The following HIBADH variants were observed in gnomAD, a reference collection of about 807,000 sequenced individuals.
HIBADH encodes the protein 3-hydroxyisobutyrate dehydrogenase, mitochondrial.
HIBADH carries 25 observed loss-of-function variants against 36.1 expected under a neutral mutation model. The ratio of observed to expected loss-of-function variants is 0.69; its 90% CI spans 0.50 to 0.97. The LOEUF (loss-of-function observed/expected upper bound fraction) is 0.97. Among genes scored for constraint, HIBADH ranks in the 50% least tolerant of loss-of-function variants. The pLI is 0.00. For missense variants in HIBADH, 421 were observed against 418.0 expected (o/e 1.01, Z -0.06); for synonymous variants, 160 against 149.5 (o/e 1.07, Z -0.51).
chr7:27,540,843 G>C (rs1442417204), intron 5 of HIBADH, among the ~76,000 whole-genome samples: 2 of 152,166 alleles, frequency 1.3e-5, no homozygotes, highest in Non-Finnish European at 2.9e-5. Flanking sequence ...TTAAAAGTCA[G>C]TCCCTTACTG....
At chr7:27,550,866 C>T (rs945794805) in intron 4 of HIBADH, among the ~76,000 whole-genome samples, 3 of 152,250 alleles carry the variant, frequency 2.0e-5, no homozygotes, top group Non-Finnish European at 4.4e-5. Flanking sequence ...ACCAAGAATA[C>T]TCATTAAGAC....
rs1262168676 is a variant in HIBADH at position 27,615,047 on chromosome 7, G to T, written c.484+14324C>A. Reference sequence around the variant, plus strand: ...CCTCTAATCTTAACAGAAATGTTAAGATTATAAAATAGCCTCTGAGGACTA... The same window carrying T: ...CCTCTAATCTTAACAGAAATGTTAATATTATAAAATAGCCTCTGAGGACTA... On this transcript the variant is annotated intron_variant, in intron 4 of 7. Coordinates refer to ENST00000265395, the MANE Select transcript of HIBADH (RefSeq NM_152740.4). 2.6e-5 allele frequency among the ~76,000 whole-genome samples: 4 copies of T among 152,258 alleles called. No homozygotes were observed. The East Asian group carries it at 7.7e-4, about 29-fold the overall frequency.
intron 4 of HIBADH, among the ~76,000 whole-genome samples, chr7:27,611,887 C>T (rs572466213): frequency 6.6e-6 from 1 of 152,174 alleles, no homozygotes; most frequent in Non-Finnish European, 1.5e-5. Context: ...TTCTCTAAAC[C>T]TTTTCATTCA....
chr7:27,651,211 C>T (rs573436091), intron 1 of HIBADH, among the ~76,000 whole-genome samples: 155 of 152,226 alleles, frequency 1.0e-3, no homozygotes, highest in Middle Eastern at 3.4e-3. Flanking sequence ...TATTTGAAGC[C>T]CTAATGCTTA....
At chr7:27,573,054 GAGAA>G (rs1414185246) in intron 4 of HIBADH, among the ~76,000 whole-genome samples, 1 of 152,158 alleles carries the variant, frequency 6.6e-6, no homozygotes, top group Non-Finnish European at 1.5e-5. Flanking sequence ...ACTAGGGACA[GAGAA>G]AGAAATTCTG....
intron 1 of HIBADH, among the ~76,000 whole-genome samples, chr7:27,656,564 T>G (rs528852551): frequency 6.6e-6 from 1 of 152,148 alleles, no homozygotes. Flanking sequence ...GGATACAGTA[T>G]AAGAGAAGAA....
At chr7:27,598,473 A>C (rs962369387) in intron 4 of HIBADH, among the ~76,000 whole-genome samples, 14 of 152,210 alleles carry the variant, frequency 9.2e-5, no homozygotes, top group African/African-American at 3.4e-4. Flanking sequence ...AAGAATCACA[A>C]GCATCAATTA....
At chr7:27,636,772 C>A (rs1339832633) in intron 2 of HIBADH, among the ~76,000 whole-genome samples, 1 of 152,166 alleles carries the variant, frequency 6.6e-6, no homozygotes, top group African/African-American at 2.4e-5. Context: ...GTCACATGTC[C>A]TTGATGCTAA....
intron 1 of HIBADH, among the ~76,000 whole-genome samples, chr7:27,655,749 A>ACC (rs35402898): frequency 0.03 from 4,626 of 151,904 alleles, 109 homozygotes; most frequent in South Asian, 0.094. Context: ...TATGTAAATT[A>ACC]CCCCCCAGAA....
At chr7:27,585,227 G>C (rs34886410) in intron 4 of HIBADH, among the ~76,000 whole-genome samples, 70,312 of 151,544 alleles carry the variant, frequency 0.46, 17,433 homozygotes, top group East Asian at 0.94. Context: ...GTGTATATTT[G>C]CATGTGCACA....
chr7:27,662,760 G>A lies in HIBADH; in HGVS notation c.29C>T (p.Ala10Val). The part of the protein sequence containing the change: MAASLRLLG[A>V]ASGLRYWSRR... ...GCTCCAGTACCGGAGACCGGAGGCA[G>A]CTCCGAGGAGCCGTAAGGAGGCTGC... Residue 10 changes from alanine (A) to valine (V), a missense_variant, in exon 1 of 8, where the codon GCT becomes GTT. By Grantham distance (64) the Ala-to-Val change is moderately conservative (BLOSUM62 0). Transcript: ENST00000265395. 5 of 1,447,150 alleles carry A rather than the reference G, an allele frequency of 3.5e-6. No homozygotes were observed. The highest frequency in any genetic ancestry group is 4.6e-6 in the Non-Finnish European group (5 of 1,098,116). 89.6% of individuals were successfully genotyped at this position (1,447,150 alleles called of 1,614,324 possible). A position where few individuals can be genotyped will look rare whatever the true frequency, so the allele number is the denominator to read the frequency against.
In HIBADH at chr7:27,528,807, G is replaced by T. The variant is rs1783951846; in HGVS notation, c.852+2385C>A. 2.6e-5 allele frequency among the ~76,000 whole-genome samples: 4 copies of T among 152,228 alleles called. No homozygotes were observed. In the South Asian group the frequency reaches 8.3e-4, roughly 32 times the overall value. ...CACTAAACAACAGATTTTCAGTGTA[G>T]ATGAAACAGCCTGCTGTTGGAAGAT... On this transcript the variant is annotated intron_variant, in intron 7 of 7. Coordinates refer to ENST00000265395, the MANE Select transcript of HIBADH (RefSeq NM_152740.4).
chr7:27,633,184 C>T (rs144433137), intron 2 of HIBADH, among the ~76,000 whole-genome samples: 12 of 152,224 alleles, frequency 7.9e-5, no homozygotes, highest in African/African-American at 2.4e-4. Flanking sequence ...AGGAAAATTG[C>T]GCTGTCTATC....
At chr7:27,630,967 C>T (rs1283202064) in intron 3 of HIBADH, among the ~76,000 whole-genome samples, 1 of 151,882 alleles carries the variant, frequency 6.6e-6, no homozygotes, top group Admixed American at 6.6e-5. Flanking sequence ...AAAATCATCC[C>T]AAAAATTATA....
intron 4 of HIBADH, among the ~76,000 whole-genome samples, chr7:27,597,306 G>A (rs748864959): frequency 7.2e-5 from 11 of 152,070 alleles, no homozygotes; most frequent in Non-Finnish European, 1.2e-4. Context: ...GTGCCTACCA[G>A]ATAGTAGGGA....
At chr7:27,651,544 G>A (rs919516480) in intron 1 of HIBADH, among the ~76,000 whole-genome samples, 10 of 152,138 alleles carry the variant, frequency 6.6e-5, no homozygotes, top group Non-Finnish European at 1.3e-4. Flanking sequence ...AAGAAAATGT[G>A]GCATTACTGT....
chr7:27,585,137 T>A (rs1262304789), intron 4 of HIBADH, among the ~76,000 whole-genome samples: 3 of 152,074 alleles, frequency 2.0e-5, no homozygotes, highest in African/African-American at 7.2e-5. Context: ...CTTTTATACA[T>A]ACATACAGGT....
intron 2 of HIBADH, among the ~76,000 whole-genome samples, chr7:27,638,524 T>C (rs878901688): frequency 1.6e-4 from 24 of 152,004 alleles, no homozygotes; most frequent in Admixed American, 1.6e-3. Flanking sequence ...TTTCTAGACA[T>C]AGGACCTGGA....
At chr7:27,598,618 G>C (rs1785070442) in intron 4 of HIBADH, among the ~76,000 whole-genome samples, 1 of 152,020 alleles carries the variant, frequency 6.6e-6, no homozygotes, top group South Asian at 2.1e-4. Context: ...AGCAGTTTTA[G>C]TACAACATTT....
Sources: allele counts gnomAD v4.1 joint callset (sites outside exome capture counted in the v4.1 genomes callset), GRCh38; gene constraint gnomAD v4.1.1; transcripts MANE v1.5; gene names NCBI Gene and HGNC (gene_info 2026-07-23, HGNC 2026-07-21).